BLK: variants seen among roughly 807,000 people sequenced by gnomAD.
BLK encodes BLK proto-oncogene, Src family tyrosine kinase, also known as tyrosine-protein kinase Blk.
In BLK, 64 loss-of-function variants were observed where a neutral mutation model predicts 61.8. The ratio of observed to expected loss-of-function variants is 1.03; its 90% CI spans 0.85 to 1.27. The LOEUF is 1.27. Among genes scored for constraint, BLK ranks in the 50% most tolerant of loss-of-function variants. The pLI is 0.00. For synonymous variants in BLK, 351 were observed against 272.0 expected (o/e 1.29, Z -2.86); for missense variants, 853 against 660.5 (o/e 1.29, Z -3.19).
At chr8:11,547,719 G>A (rs1208566908) in intron 3 of BLK, among the ~76,000 whole-genome samples, 1 of 152,216 alleles carries the variant, frequency 6.6e-6, no homozygotes, top group African/African-American at 2.4e-5. Flanking sequence ...CCGAATGTGG[G>A]CCTGAGGCCA....
chr8:11,531,103 A>C (rs1438173734), intron 1 of BLK, among the ~76,000 whole-genome samples: 1 of 152,284 alleles, frequency 6.6e-6, no homozygotes, highest in East Asian at 1.9e-4. Context: ...GACGACACCG[A>C]ACACCTGTTC....
chr8:11,495,963 A>G (rs944878498), intron 1 of BLK, among the ~76,000 whole-genome samples: 2 of 152,190 alleles, frequency 1.3e-5, no homozygotes. Flanking sequence ...TAAAGAGTTA[A>G]AAAAAATTAG....
intron 1 of BLK, among the ~76,000 whole-genome samples, chr8:11,518,174 T>C (rs1306891162): frequency 6.6e-6 from 1 of 152,134 alleles, no homozygotes; most frequent in African/African-American, 2.4e-5. Context: ...GCCAGCAGCC[T>C]GCACAGAGTG....
intron 1 of BLK, among the ~76,000 whole-genome samples, chr8:11,519,466 A>G (rs1303213631): frequency 1.3e-5 from 2 of 152,224 alleles, no homozygotes; most frequent in African/African-American, 2.4e-5. Flanking sequence ...ACATACATCC[A>G]CATGTAGTAG....
intron 1 of BLK, among the ~76,000 whole-genome samples, chr8:11,516,279 A>G (rs1464221242): frequency 6.6e-6 from 1 of 152,220 alleles, no homozygotes; most frequent in Non-Finnish European, 1.5e-5. Context: ...AGCCACAGTA[A>G]CAAAGAACAG....
At chr8:11,532,890 G>T (rs1225160364) in intron 1 of BLK, among the ~76,000 whole-genome samples, 2 of 152,210 alleles carry the variant, frequency 1.3e-5, no homozygotes, top group Non-Finnish European at 2.9e-5. Flanking sequence ...GTTACCTGTG[G>T]ATAAAATTGG....
chr8:11,535,219 GAGAA>G (rs71203396), intron 1 of BLK, among the ~76,000 whole-genome samples: 57,391 of 120,538 alleles, frequency 0.48, 13,418 homozygotes, highest in Non-Finnish European at 0.56. Context: ...AAGAAAGAGA[GAGAA>G]AGAAAGAAAA....
At chr8:11,515,934 T>A (rs183127994) in intron 1 of BLK, among the ~76,000 whole-genome samples, 14 of 152,336 alleles carry the variant, frequency 9.2e-5, no homozygotes, top group African/African-American at 3.1e-4. Flanking sequence ...TAGGAAAGGC[T>A]TTGGGAGGCT....
intron 1 of BLK, among the ~76,000 whole-genome samples, chr8:11,499,146 G>C (rs902209015): frequency 7.2e-5 from 11 of 152,214 alleles, no homozygotes; most frequent in African/African-American, 2.7e-4. Flanking sequence ...TGAAGACACT[G>C]TATTTTGCCT....
intron 11 of BLK, among the ~76,000 whole-genome samples, chr8:11,562,541 G>A (rs930674993): frequency 2.0e-5 from 3 of 152,172 alleles, no homozygotes; most frequent in Admixed American, 6.5e-5. Flanking sequence ...AGCGGCCCTC[G>A]GAGGTACAAG....
Position 11,556,644 on chromosome 8 carries a change from T to TC in BLK, c.773-9dup, listed in dbSNP as rs1215762743. ...TCTGTCTTCTGATTGGCTTCTTCACTCCCCCGGGCTCAGGTTACTACAAAA... is the reference window on the plus strand; with the variant it reads ...TCTGTCTTCTGATTGGCTTCTTCACTCCCCCCGGGCTCAGGTTACTACAAAA... On this transcript the variant is annotated splice_polypyrimidine_tract_variant and intron_variant, in intron 8 of 12. Transcript: ENST00000259089. 6.2e-7 allele frequency: 1 copy of TC among 1,613,656 alleles called. No individual in the cohort carries two copies. The highest frequency in any genetic ancestry group is 1.7e-5 in the Admixed American group (1 of 59,978).
intron 1 of BLK, among the ~76,000 whole-genome samples, chr8:11,534,778 C>A (rs1800043297): frequency 6.6e-6 from 1 of 152,220 alleles, no homozygotes. Flanking sequence ...GCCACACGTG[C>A]CCAAGGCCCT....
chr8:11,513,890 G>A (rs764578227), intron 1 of BLK, among the ~76,000 whole-genome samples: 1 of 152,180 alleles, frequency 6.6e-6, no homozygotes, highest in Non-Finnish European at 1.5e-5. Flanking sequence ...GCCCGACCCA[G>A]GTGGATTCAG....
At chr8:11,562,427 G>T (rs1801537251) in intron 11 of BLK, among the ~76,000 whole-genome samples, 1 of 152,164 alleles carries the variant, frequency 6.6e-6, no homozygotes, top group Non-Finnish European at 1.5e-5. Flanking sequence ...TGGAGGCCAG[G>T]GGAGGCTGTG....
chr8:11,506,022 C>T (rs568995734), intron 1 of BLK, among the ~76,000 whole-genome samples: 1 of 152,342 alleles, frequency 6.6e-6, no homozygotes, highest in Admixed American at 6.5e-5. Context: ...CAAATCTCTT[C>T]CCACAGTGGG....
chr8:11,517,632 A>C (rs1339546056), intron 1 of BLK, among the ~76,000 whole-genome samples: 1 of 152,182 alleles, frequency 6.6e-6, no homozygotes, highest in Non-Finnish European at 1.5e-5. Context: ...TGTGGGAGGA[A>C]ACAGCATGTT....
At chr8:11,523,908 T>C (rs1360431172) in intron 1 of BLK, among the ~76,000 whole-genome samples, 1 of 151,506 alleles carries the variant, frequency 6.6e-6, no homozygotes, top group African/African-American at 2.4e-5. Flanking sequence ...TTCATCACGG[T>C]GAGAATGTAA....
At chr8:11,537,354 A>C (rs1188503452) in intron 1 of BLK, among the ~76,000 whole-genome samples, 1 of 152,206 alleles carries the variant, frequency 6.6e-6, no homozygotes, top group African/African-American at 2.4e-5. Context: ...CGCGACACCC[A>C]GGGTGAGTCC....
intron 1 of BLK, among the ~76,000 whole-genome samples, chr8:11,526,745 G>A (rs1799668912): frequency 6.6e-6 from 1 of 152,078 alleles, no homozygotes; most frequent in Non-Finnish European, 1.5e-5. Flanking sequence ...ATATTCTGTT[G>A]TGTTCAGTGC....
Sources: allele counts gnomAD v4.1 joint callset (sites outside exome capture counted in the v4.1 genomes callset), GRCh38; gene constraint gnomAD v4.1.1; transcripts MANE v1.5; gene names NCBI Gene and HGNC (gene_info 2026-07-23, HGNC 2026-07-21).